RYR2: variants seen among roughly 807,000 people sequenced by gnomAD.
RYR2 encodes cardiac muscle ryanodine receptor-calcium release channel.
A neutral mutation model predicts 601.1 loss-of-function variants in RYR2; 227 were observed. The ratio of observed to expected loss-of-function variants is 0.38; its 90% CI spans 0.34 to 0.42. RYR2 has a LOEUF of 0.42. RYR2 is among the 10% of genes least tolerant of loss of function. RYR2 has a pLI of 1.00. For missense variants in RYR2, 4,646 were observed against 6,156.5 expected, an observed-to-expected ratio of 0.75 and a Z score of 8.21; for synonymous variants, 2,223 against 2,175.1, an observed-to-expected ratio of 1.02 and a Z score of -0.61.
chr1:237,432,496 C>T (rs1299218082), intron 12 of RYR2, among the ~76,000 whole-genome samples: 4 of 152,088 alleles, frequency 2.6e-5, no homozygotes, highest in Admixed American at 2.6e-4. Flanking sequence ...TTTGATTCTC[C>T]TGACTCAGTC....
chr1:237,768,891 T>C (rs1166974449), intron 84 of RYR2, among the ~76,000 whole-genome samples: 1 of 152,200 alleles, frequency 6.6e-6, no homozygotes, highest in African/African-American at 2.4e-5. Flanking sequence ...TGTTCTGCGA[T>C]GTACGGTGTG....
intron 24 of RYR2, among the ~76,000 whole-genome samples, chr1:237,513,573 G>A (rs1224378311): frequency 2.0e-5 from 3 of 152,158 alleles, no homozygotes; most frequent in Non-Finnish European, 4.4e-5. Context: ...GATTATAATG[G>A]AGCTGAAAAA....
At chr1:237,187,385 C>A (rs1553335333) in intron 1 of RYR2, among the ~76,000 whole-genome samples, 1 of 151,144 alleles carries the variant, frequency 6.6e-6, no homozygotes. Context: ...TTGTGATCTG[C>A]CTGCCTCGGC....
Position 237,089,070 on chromosome 1 carries a change from G to A in RYR2, c.48+46501G>A, listed in dbSNP as rs575136024. Reference sequence around the variant, plus strand: ...CCAAATTCATGGAAAGGCACCCTCTGGTTTTTTGCCCTTTGCACCTGCTGA... The same window carrying A: ...CCAAATTCATGGAAAGGCACCCTCTAGTTTTTTGCCCTTTGCACCTGCTGA... On this transcript the variant is annotated intron_variant, in intron 1 of 104. Transcript: ENST00000366574. Among the ~76,000 whole-genome samples, 135 of 152,266 alleles carry A rather than the reference G, an allele frequency of 8.9e-4. 3 individuals are homozygous for A. The South Asian group carries it at 0.026, about 29-fold the overall frequency.
intron 62 of RYR2, among the ~76,000 whole-genome samples, chr1:237,683,284 A>G (rs546550942): frequency 6.6e-6 from 1 of 152,308 alleles, no homozygotes; most frequent in African/African-American, 2.4e-5. Context: ...CAATGTTTCC[A>G]TGAGATGTTT....
intron 42 of RYR2, among the ~76,000 whole-genome samples, chr1:237,632,389 C>CTTTT (rs11448751): frequency 4.1e-4 from 52 of 127,430 alleles, no homozygotes; most frequent in East Asian, 7.3e-4. Context: ...AAAGTGAATT[C>CTTTT]TTTTTTTTTT....
intron 2 of RYR2, among the ~76,000 whole-genome samples, chr1:237,289,359 A>T (rs1691963007): frequency 6.6e-6 from 1 of 152,132 alleles, no homozygotes. Context: ...GTCCTTTCTC[A>T]TGCTGCTAAT....
Position 237,614,820 on chromosome 1 carries a change from C to G in RYR2, c.5692C>G (p.Leu1898Val). 2 of 1,576,064 alleles carry G rather than the reference C, an allele frequency of 1.3e-6. No homozygotes were observed. The highest frequency in any genetic ancestry group is 1.4e-5 in the African/African-American group (1 of 73,368). ...RPKEGLLQMK[L>V]PEPVKLQMCL... ...CAAGGAAGGCCTGCTCCAAATGAAA[C>G]TGCCAGAGCCAGTTAAATTGCAGGT... The change falls in exon 37 of 105, where the codon CTG becomes GTG. Residue 1898 changes from leucine to valine, a missense_variant. Physicochemically the swap from Leu to Val is conservative, Grantham distance 32. Transcript: ENST00000366574. This position sits in a 1 kb window ranked among gnomAD's most constrained non-coding sequence, Gnocchi z 4.3.
chr1:237,097,001 T>C (rs1395405641), intron 1 of RYR2, among the ~76,000 whole-genome samples: 1 of 152,226 alleles, frequency 6.6e-6, no homozygotes, highest in Non-Finnish European at 1.5e-5. Flanking sequence ...TAGTCTATTT[T>C]AGTCTTGCCT....
At chr1:237,718,429 G>T in intron 72 of RYR2, 33 bp from the exon 73 acceptor site, 1 of 1,158,316 alleles carries the variant, frequency 8.6e-7, no homozygotes, top group Non-Finnish European at 1.3e-6. Context: ...TGCAATAGAA[G>T]ACTCCTTTTA....
chr1:237,122,022 C>T (rs1245269879), intron 1 of RYR2, among the ~76,000 whole-genome samples: 1 of 152,214 alleles, frequency 6.6e-6, no homozygotes, highest in Non-Finnish European at 1.5e-5. Flanking sequence ...CCTTGAGGAA[C>T]ACCTGCCTTA....
intron 1 of RYR2, among the ~76,000 whole-genome samples, chr1:237,182,919 A>G (rs1227243726): frequency 6.6e-6 from 1 of 152,182 alleles, no homozygotes; most frequent in Non-Finnish European, 1.5e-5. Context: ...TAGGGACCTG[A>G]TATGATTGAA....
In RYR2 at chr1:237,168,492, T is replaced by C. The variant is rs145316504; in HGVS notation, c.49-102005T>C. ...GTCTTCTATTTCTTAAGAGGACTGA[T>C]TACCAGGTTGATAGATTTCCAAGCC... On this transcript the variant is annotated intron_variant, in intron 1 of 104. Coordinates refer to ENST00000366574, the MANE Select transcript of RYR2 (RefSeq NM_001035.3). Among the ~76,000 whole-genome samples, 807 of 152,284 alleles carry C rather than the reference T, an allele frequency of 5.3e-3. 7 individuals are homozygous for C. The highest frequency in any genetic ancestry group is 0.018 in the African/African-American group (754 of 41,556).
chr1:237,476,484 T>C (rs185749119), intron 17 of RYR2, among the ~76,000 whole-genome samples: 12 of 121,546 alleles, frequency 9.9e-5, no homozygotes, highest in Non-Finnish European at 1.4e-4. Context: ...CACTCCAGCC[T>C]GGGTGATAGC....
chr1:237,747,257 T>A (rs2149231385), intron 80 of RYR2, among the ~76,000 whole-genome samples: 1 of 152,340 alleles, frequency 6.6e-6, no homozygotes, highest in Middle Eastern at 3.4e-3. Context: ...AGTTTCTAAT[T>A]GACAGATGAA....
intron 25 of RYR2, among the ~76,000 whole-genome samples, chr1:237,542,330 T>C (rs555977434): frequency 2.6e-4 from 40 of 152,150 alleles, no homozygotes; most frequent in African/African-American, 8.9e-4. Flanking sequence ...CGACCTTAGG[T>C]GATCCGCCCG....
intron 1 of RYR2, among the ~76,000 whole-genome samples, chr1:237,160,035 T>C (rs1272764194): frequency 2.6e-5 from 4 of 152,188 alleles, no homozygotes; most frequent in Non-Finnish European, 5.9e-5. Flanking sequence ...AAATGATCAA[T>C]AGGAAATAGG....
At chr1:237,420,173 A>G (rs1378370586) in intron 11 of RYR2, among the ~76,000 whole-genome samples, 1 of 152,102 alleles carries the variant, frequency 6.6e-6, no homozygotes. Context: ...TAATGTAGGG[A>G]GTTAAATTGA....
At chr1:237,615,305 C>T (rs962549512) in intron 37 of RYR2, among the ~76,000 whole-genome samples, 1 of 152,190 alleles carries the variant, frequency 6.6e-6, no homozygotes, top group African/African-American at 2.4e-5. Flanking sequence ...CATCCTCCCA[C>T]CTCAGCTTCT....
Sources: gnomAD v4.1 joint callset for allele counts (sites outside exome capture counted in the v4.1 genomes callset) on GRCh38, gnomAD v4.1.1 for gene constraint, Gnocchi (gnomAD v3.1) non-coding constraint, MANE v1.5 for transcripts, NCBI Gene and HGNC (gene_info 2026-07-23, HGNC 2026-07-21) for gene names.